CEP112: variants seen among roughly 807,000 people sequenced by gnomAD.
CEP112 encodes the protein centrosomal protein of 112 kDa.
In CEP112, 127 loss-of-function variants were observed where a neutral mutation model predicts 153.0. That is an observed-to-expected ratio of 0.83 (90% confidence interval 0.72 to 0.96). The LOEUF (loss-of-function observed/expected upper bound fraction) is 0.96. Among genes scored for constraint, CEP112 ranks in the 40% least tolerant of loss-of-function variants. The pLI is 0.00. For synonymous variants in CEP112, 358 were observed against 374.4 expected (o/e 0.96, Z 0.51); for missense variants, 1,089 against 1,101.2 (o/e 0.99, Z 0.16).
intron 19 of CEP112, among the ~76,000 whole-genome samples, chr17:65,909,748 C>A (rs999386215): frequency 6.6e-6 from 1 of 152,062 alleles, no homozygotes; most frequent in Non-Finnish European, 1.5e-5. Flanking sequence ...AATAACTTGG[C>A]CACAAATTTC....
chr17:66,019,248 A>G (rs1265584286), intron 16 of CEP112, among the ~76,000 whole-genome samples: 2 of 152,140 alleles, frequency 1.3e-5, no homozygotes, highest in Non-Finnish European at 1.5e-5. Flanking sequence ...CTCCCCCTGA[A>G]GAGATATTTA....
At chr17:65,888,406 C>T (rs1413194720) in intron 20 of CEP112, among the ~76,000 whole-genome samples, 1 of 152,078 alleles carries the variant, frequency 6.6e-6, no homozygotes, top group Non-Finnish European at 1.5e-5. Flanking sequence ...TGTATACCTC[C>T]TCTTAGCGCA....
intron 20 of CEP112, among the ~76,000 whole-genome samples, chr17:65,853,653 G>A (rs1489327203): frequency 1.3e-5 from 2 of 151,880 alleles, no homozygotes; most frequent in African/African-American, 4.8e-5. Context: ...GCTTGAACCT[G>A]GGAGGTGGAG....
intron 24 of CEP112, among the ~76,000 whole-genome samples, chr17:65,664,119 T>C (rs776114495): frequency 7.6e-4 from 115 of 152,252 alleles, no homozygotes; most frequent in Non-Finnish European, 3.1e-4. Flanking sequence ...TAACAGACAT[T>C]TGGGGAAAGA....
intron 1 of CEP112, among the ~76,000 whole-genome samples, chr17:66,186,212 T>A (rs1040125068): frequency 6.6e-5 from 10 of 152,120 alleles, no homozygotes; most frequent in Admixed American, 5.2e-4. Flanking sequence ...ACCATCTGAC[T>A]ACCATGTACT....
At chr17:65,713,403 T>C (rs983286418) in intron 23 of CEP112, among the ~76,000 whole-genome samples, 3 of 152,206 alleles carry the variant, frequency 2.0e-5, no homozygotes, top group East Asian at 1.9e-4. Flanking sequence ...TGAAAACCTA[T>C]ACTGTCTAAA....
intron 20 of CEP112, among the ~76,000 whole-genome samples, chr17:65,899,177 A>G (rs1208867794): frequency 5.9e-5 from 9 of 152,192 alleles, no homozygotes; most frequent in Non-Finnish European, 1.3e-4. Context: ...GAGACCTGGT[A>G]AATGAGAAAT....
intron 2 of CEP112, among the ~76,000 whole-genome samples, chr17:66,181,184 T>G (rs1366356040): frequency 6.6e-6 from 1 of 152,222 alleles, no homozygotes; most frequent in African/African-American, 2.4e-5. Context: ...AAGTTGAATT[T>G]AGCAATAAGA....
intron 25 of CEP112, among the ~76,000 whole-genome samples, chr17:65,638,539 T>G (rs2044906872): frequency 6.6e-6 from 1 of 152,192 alleles, no homozygotes; most frequent in South Asian, 2.1e-4. Context: ...CCTCCTGGTT[T>G]TGCTTATTTG....
intron 21 of CEP112, among the ~76,000 whole-genome samples, chr17:65,808,597 G>A (rs1166913964): frequency 6.6e-6 from 1 of 152,104 alleles, no homozygotes; most frequent in African/African-American, 2.4e-5. Flanking sequence ...CTGTTCTTGT[G>A]ATAGTGAGTT....
intron 12 of CEP112, among the ~76,000 whole-genome samples, chr17:66,043,558 T>A (rs1434235002): frequency 6.6e-6 from 1 of 152,292 alleles, no homozygotes; most frequent in Admixed American, 6.5e-5. Context: ...AGAACTCCAG[T>A]AAGAAAGCCT....
At chr17:66,087,993 GC>G (rs1292212448) in intron 8 of CEP112, among the ~76,000 whole-genome samples, 2 of 151,940 alleles carry the variant, frequency 1.3e-5, no homozygotes, top group Non-Finnish European at 2.9e-5. Context: ...AAATCTCACA[GC>G]CCCAGGCTCC....
At chr17:66,150,614 T>C (rs887663759) in intron 4 of CEP112, among the ~76,000 whole-genome samples, 7 of 152,226 alleles carry the variant, frequency 4.6e-5, no homozygotes, top group African/African-American at 1.4e-4. Flanking sequence ...CTGTCATTTG[T>C]TCTATCCGGC....
At chr17:65,958,265 C>T (rs1278965226) in intron 18 of CEP112, among the ~76,000 whole-genome samples, 1 of 152,102 alleles carries the variant, frequency 6.6e-6, no homozygotes, top group African/African-American at 2.4e-5. Flanking sequence ...TAAGAACATG[C>T]TTTCCTATTG....
intron 21 of CEP112, among the ~76,000 whole-genome samples, chr17:65,776,515 G>A (rs11870559): frequency 0.54 from 81,452 of 151,748 alleles, 23,766 homozygotes; most frequent in Non-Finnish European, 0.67. Context: ...GTGAGCCACC[G>A]TGCCCGGCCA....
intron 25 of CEP112, 84 bp downstream of exon 25, chr17:65,640,880 A>G: frequency 1.3e-6 from 1 of 789,270 alleles, no homozygotes; most frequent in Non-Finnish European, 2.2e-6. Context: ...ATTTCTGGCA[A>G]CAATTTGGAA....
chr17:65,795,910 C>A (rs1014021195), intron 21 of CEP112, among the ~76,000 whole-genome samples: 1 of 152,140 alleles, frequency 6.6e-6, no homozygotes, highest in African/African-American at 2.4e-5. Context: ...TAAGGCCCAA[C>A]CCCCTGAGTA....
chr17:66,085,637 A>T (rs986129848), intron 8 of CEP112, among the ~76,000 whole-genome samples: 5 of 152,230 alleles, frequency 3.3e-5, no homozygotes, highest in African/African-American at 1.2e-4. Context: ...GAATGGGGTG[A>T]TATTTCTGAT....
intron 20 of CEP112, among the ~76,000 whole-genome samples, chr17:65,870,808 T>G (rs1336694749): frequency 5.3e-5 from 8 of 152,346 alleles, no homozygotes; most frequent in South Asian, 2.1e-4. Context: ...ACAGGTAACC[T>G]ATTTGGCCTT....
Sources: allele counts gnomAD v4.1 joint callset (sites outside exome capture counted in the v4.1 genomes callset), GRCh38; gene constraint gnomAD v4.1.1; transcripts MANE v1.5; gene names NCBI Gene and HGNC (gene_info 2026-07-23, HGNC 2026-07-21).